Variants in CCDC179 observed in about 807,000 individuals in gnomAD.
CCDC179 encodes the protein coiled-coil domain containing 179.
Under a neutral mutation model 12.0 loss-of-function variants are expected in CCDC179, and 17 were observed. The ratio of observed to expected loss-of-function variants is 1.42; its 90% CI spans 0.97 to 2.13. CCDC179 has a LOEUF of 2.13. Ranked by LOEUF, CCDC179 falls within the 30% of genes most tolerant of loss-of-function variation. The pLI is 0.00. For synonymous variants in CCDC179, 27 were observed against 26.4 expected (o/e 1.02, Z -0.07); for missense variants, 83 against 78.6 (o/e 1.06, Z -0.21).
intron 3 of CCDC179, 41 bp from the exon 4 acceptor site, chr11:22,847,562 T>G (rs1858253122): frequency 1.8e-6 from 2 of 1,105,688 alleles, no homozygotes; most frequent in Non-Finnish European, 2.5e-6. Flanking sequence ...GAAATTTAAT[T>G]AAAATTTATA....
rs757673440 is a variant in CCDC179 at position 22,860,397 on chromosome 11, C to T, written c.25G>A (p.Glu9Lys). 2.6e-5 allele frequency: 40 copies of T among 1,535,480 alleles called. No individual in the cohort carries two copies. The highest frequency in any genetic ancestry group is 8.2e-5 in the African/African-American group (6 of 73,026). The change falls in exon 1 of 4, where the codon GAG (glutamate) becomes AAG (lysine). Residue 9 changes from glutamate to lysine, a missense_variant. Transcript: ENST00000532798. Reference sequence around the variant, plus strand: ...CTCACAGGGTTGACTTGGGAAGGCTCGATGTCCCAGCAATACAGGCACATG... The same window carrying T: ...CTCACAGGGTTGACTTGGGAAGGCTTGATGTCCCAGCAATACAGGCACATG... MCLYCWDI[E>K]PSQVNPEGPR... is the part of the protein sequence containing the mutation.
chr11:22,856,899 G>A (rs1377933854), intron 3 of CCDC179, among the ~76,000 whole-genome samples: 2 of 151,410 alleles, frequency 1.3e-5, no homozygotes, highest in Non-Finnish European at 3.0e-5. Context: ...CAATTTGAAT[G>A]CAAAGTGAAA....
At chr11:22,849,496 G>T (rs1019092269) in intron 3 of CCDC179, among the ~76,000 whole-genome samples, 2 of 152,102 alleles carry the variant, frequency 1.3e-5, no homozygotes, top group Non-Finnish European at 2.9e-5. Flanking sequence ...AAAAAAGGGG[G>T]AGCTTTTTTC....
At chr11:22,856,519 A>G (rs931857301) in intron 3 of CCDC179, among the ~76,000 whole-genome samples, 9 of 151,500 alleles carry the variant, frequency 5.9e-5, no homozygotes, top group Admixed American at 1.3e-4. Context: ...TTCACTTCAT[A>G]AGGAACATCT....
At chr11:22,853,074 AG>A (rs1451176574) in intron 3 of CCDC179, among the ~76,000 whole-genome samples, 1 of 152,218 alleles carries the variant, frequency 6.6e-6, no homozygotes, top group Non-Finnish European at 1.5e-5. Context: ...AAACTGAATC[AG>A]GGGAAATTTT....
At chr11:22,859,531 A>G (rs1185050570) in intron 1 of CCDC179, 35 bp from the exon 2 acceptor site, 4 of 1,323,896 alleles carry the variant, frequency 3.0e-6, no homozygotes, top group East Asian at 2.7e-5. Flanking sequence ...ACATTCACAC[A>G]AAAAAGTCAT....
At position 22,850,951 on chromosome 11, in the gene CCDC179, T is replaced by TATATAC. The variant is rs1554920492; in HGVS notation, c.196-3431_196-3430insGTATAT. Among the ~76,000 whole-genome samples, 55 of 8,404 alleles carry TATATAC rather than the reference T, an allele frequency of 6.5e-3. 1 individual carries two copies. Among genetic ancestry groups the TATATAC allele is most frequent in the African/African-American group, 0.012 (52 of 4,352 alleles). 5.5% of individuals were successfully genotyped at this position (8,404 alleles called of 152,430 possible). A position where few individuals can be genotyped will look rare whatever the true frequency, so the allele number is the denominator to read the frequency against. On this transcript the variant is annotated intron_variant, in intron 3 of 3. Coordinates refer to ENST00000532798, the MANE Select transcript of CCDC179 (RefSeq NM_001195637.2). Reference sequence around the variant, plus strand: ...ATATGTTGCATAGGCTATATATATATATATATATATATATATATATATATA... The same window carrying TATATAC: ...ATATGTTGCATAGGCTATATATATATATATACATATATATATATATATATATATATA...
At chr11:22,853,210 T>A (rs1486539856) in intron 3 of CCDC179, among the ~76,000 whole-genome samples, 1 of 152,156 alleles carries the variant, frequency 6.6e-6, no homozygotes, top group African/African-American at 2.4e-5. Context: ...CATATCCAGC[T>A]TTCAATAAAG....
intron 3 of CCDC179, 22 bp from the exon 4 acceptor site, chr11:22,847,543 A>G (rs1366131751): frequency 2.4e-6 from 3 of 1,268,514 alleles, no homozygotes; most frequent in African/African-American, 3.0e-5. Flanking sequence ...TAAAATACAC[A>G]AAGAATAAGA....
intron 3 of CCDC179, among the ~76,000 whole-genome samples, chr11:22,848,798 G>C (rs941850011): frequency 2.0e-5 from 3 of 152,148 alleles, no homozygotes; most frequent in African/African-American, 7.2e-5. Context: ...TTACTCTGTG[G>C]TATGGTTTCT....
At chr11:22,850,939 G>GATAT (rs1564914940) in intron 3 of CCDC179, among the ~76,000 whole-genome samples, 2 of 55,704 alleles carry the variant, frequency 3.6e-5, no homozygotes, top group South Asian at 7.3e-4. Flanking sequence ...TGTTGCATAG[G>GATAT]CTATATATAT....
chr11:22,859,517 A>G, intron 1 of CCDC179, 21 bp from the exon 2 acceptor site: 1 of 1,421,656 alleles, frequency 7.0e-7, no homozygotes, highest in Non-Finnish European at 9.3e-7. Flanking sequence ...AACAAAATTA[A>G]AACACATTCA....
intron 3 of CCDC179, among the ~76,000 whole-genome samples, chr11:22,856,505 G>C (rs10833842): frequency 0.5 from 74,919 of 151,180 alleles, 19,247 homozygotes; most frequent in Middle Eastern, 0.7. Context: ...AGAGAGGGAT[G>C]TCTTTCACTT....
intron 3 of CCDC179, among the ~76,000 whole-genome samples, chr11:22,855,525 T>C (rs894892325): frequency 2.6e-5 from 4 of 151,536 alleles, no homozygotes; most frequent in Non-Finnish European, 4.4e-5. Flanking sequence ...TATGATTTAT[T>C]AAAATTTATG....
At position 22,847,050 on chromosome 11, in the gene CCDC179, A is replaced by G. The variant is rs1354939280; in HGVS notation, c.*460T>C. 6.6e-6 allele frequency: 1 copy of G among 152,234 alleles called. No homozygotes were observed. The highest frequency in any genetic ancestry group is 1.5e-5 in the Non-Finnish European group (1 of 68,070). The allele number at this position is 152,234 out of a possible 1,614,324, so 9.4% of individuals were successfully genotyped here. On this transcript the variant is annotated 3_prime_UTR_variant, in exon 4 of 4. Coordinates refer to ENST00000532798, the MANE Select transcript of CCDC179 (RefSeq NM_001195637.2). ...CTTATCTGCAATAGCAACACAAAAT[A>G]CAGGAGTTAGTTATAATAACAGTCT... is the stretch of plus-strand genomic sequence containing the variant.
Position 22,857,167 on chromosome 11 carries a change from G to T in CCDC179, c.195+755C>A, listed in dbSNP as rs183460580. ...GTTACTTTGTAGATTTCAACAAACT[G>T]ATTCTAAATTTTATATTGAAAGGGA... is the stretch of plus-strand genomic sequence containing the variant. On this transcript the variant is annotated intron_variant, in intron 3 of 3. Coordinates refer to ENST00000532798, the MANE Select transcript of CCDC179 (RefSeq NM_001195637.2). Among the ~76,000 whole-genome samples, 33 of 151,602 alleles carry T rather than the reference G, an allele frequency of 2.2e-4. No homozygotes were observed. The East Asian group carries it at 6.2e-3, about 28-fold the overall frequency.
In CCDC179 at chr11:22,846,944, T is replaced by C; in HGVS notation, c.*566A>G. 1 of 152,254 alleles carries C rather than the reference T, an allele frequency of 6.6e-6. No individual in the cohort carries two copies. The highest frequency in any genetic ancestry group is 3.4e-3 in the Middle Eastern group (1 of 294). The allele number at this position is 152,254 out of a possible 1,614,324, so 9.4% of individuals were successfully genotyped here. A position where few individuals can be genotyped will look rare whatever the true frequency, so the allele number is the denominator to read the frequency against. On this transcript the variant is annotated 3_prime_UTR_variant, in exon 4 of 4. Coordinates refer to ENST00000532798, the MANE Select transcript of CCDC179 (RefSeq NM_001195637.2). ...GATTTTAGAGAGTCAGCAATAATTATAATTTATTTCATACCTAAAAGTAAA... is the reference window on the plus strand; with the variant it reads ...GATTTTAGAGAGTCAGCAATAATTACAATTTATTTCATACCTAAAAGTAAA...
chr11:22,858,361 A>C (rs1237304347), intron 2 of CCDC179, among the ~76,000 whole-genome samples: 1 of 151,940 alleles, frequency 6.6e-6, no homozygotes, highest in Admixed American at 6.5e-5. Context: ...CACCTAGGGA[A>C]TTTTCTCTAT....
chr11:22,855,730 C>A (rs564342518), intron 3 of CCDC179, among the ~76,000 whole-genome samples: 1 of 151,238 alleles, frequency 6.6e-6, no homozygotes, highest in Admixed American at 6.6e-5. Flanking sequence ...AAACAGAATG[C>A]AATAGAGAAA....
Sources: allele counts gnomAD v4.1 joint callset (sites outside exome capture counted in the v4.1 genomes callset), GRCh38; gene constraint gnomAD v4.1.1; transcripts MANE v1.5; gene names NCBI Gene and HGNC (gene_info 2026-07-23, HGNC 2026-07-21).